Variants in LRRTM4 observed in about 807,000 individuals in gnomAD.
LRRTM4 encodes the protein leucine-rich repeat transmembrane neuronal protein 4.
In LRRTM4, 25 loss-of-function variants were observed where a neutral mutation model predicts 47.6. The ratio of observed to expected loss-of-function variants is 0.53; its 90% CI spans 0.38 to 0.73. LRRTM4 has a LOEUF of 0.73. Ranked by LOEUF, LRRTM4 falls within the 30% of genes least tolerant of loss-of-function variation. LRRTM4 has a pLI of 0.00. For synonymous variants in LRRTM4, 311 were observed against 269.5 expected (o/e 1.15, Z -1.51); for missense variants, 638 against 713.4 (o/e 0.89, Z 1.20).
chr2:77,462,820 T>C (rs34558209), intron 3 of LRRTM4, among the ~76,000 whole-genome samples: 1,967 of 152,090 alleles, frequency 0.013, 16 homozygotes, highest in Non-Finnish European at 0.019. Flanking sequence ...AATGCACATA[T>C]GGCTTTTAAG....
At chr2:76,973,768 T>G (rs1478405149) in intron 3 of LRRTM4, among the ~76,000 whole-genome samples, 1 of 151,936 alleles carries the variant, frequency 6.6e-6, no homozygotes, top group Non-Finnish European at 1.5e-5. Context: ...GAAGTCTGGA[T>G]AGAATAGAAT....
At chr2:77,257,747 C>A (rs1279774146) in intron 3 of LRRTM4, among the ~76,000 whole-genome samples, 1 of 148,822 alleles carries the variant, frequency 6.7e-6, no homozygotes, top group Non-Finnish European at 1.5e-5. Context: ...CACACACACA[C>A]AAATCCAATT....
At chr2:76,957,989 A>T (rs1490475298) in intron 3 of LRRTM4, among the ~76,000 whole-genome samples, 1 of 151,550 alleles carries the variant, frequency 6.6e-6, no homozygotes, top group African/African-American at 2.4e-5. Context: ...TTTTATTGTT[A>T]TTTGTTCCAA....
chr2:77,196,230 G>C (rs1363617341), intron 3 of LRRTM4, among the ~76,000 whole-genome samples: 2 of 152,156 alleles, frequency 1.3e-5, no homozygotes, highest in Non-Finnish European at 2.9e-5. Context: ...GGAATGCAGA[G>C]TGATGTTGCA....
At chr2:76,975,696 A>G (rs1290893697) in intron 3 of LRRTM4, among the ~76,000 whole-genome samples, 1 of 151,734 alleles carries the variant, frequency 6.6e-6, no homozygotes, top group East Asian at 1.9e-4. Flanking sequence ...GAGGAGACAA[A>G]AAATATTTAC....
chr2:76,820,071 T>A (rs1330459721), intron 3 of LRRTM4, among the ~76,000 whole-genome samples: 1 of 151,936 alleles, frequency 6.6e-6, no homozygotes, highest in Admixed American at 6.6e-5. Context: ...TTAAATAAAT[T>A]TAAAAAGGAA....
At chr2:77,223,332 C>A (rs1403413516) in intron 3 of LRRTM4, among the ~76,000 whole-genome samples, 3 of 152,120 alleles carry the variant, frequency 2.0e-5, no homozygotes, top group Non-Finnish European at 4.4e-5. Flanking sequence ...CACTCCTATT[C>A]AACATAGTGT....
chr2:77,119,621 T>G (rs925098069), intron 3 of LRRTM4, among the ~76,000 whole-genome samples: 1 of 151,846 alleles, frequency 6.6e-6, no homozygotes, highest in African/African-American at 2.4e-5. Context: ...TTCTGCCCCT[T>G]GGAGCTTACT....
chr2:77,055,344 C>G (rs372228869), intron 3 of LRRTM4, among the ~76,000 whole-genome samples: 3 of 152,184 alleles, frequency 2.0e-5, no homozygotes. Context: ...TCTGGGCACA[C>G]GTACATCTCT....
At chr2:77,168,950 T>C (rs1672967377) in intron 3 of LRRTM4, among the ~76,000 whole-genome samples, 1 of 152,136 alleles carries the variant, frequency 6.6e-6, no homozygotes, top group African/African-American at 2.4e-5. Context: ...ATATGATATA[T>C]CCTATCAACA....
rs543120444 is a variant in LRRTM4, at chr2:77,056,000, C to T, written c.1552-307084G>A. The stretch of plus-strand genomic sequence containing the variant: ...GTGGGAATTGAACAATGAGAACACA[C>T]GGACACAGGAAGGGGAACATCACAC... On this transcript the variant is annotated intron_variant, in intron 3 of 3. Coordinates refer to ENST00000409884, the MANE Select transcript of LRRTM4 (RefSeq NM_001134745.3). Among the ~76,000 whole-genome samples the T allele has an allele frequency of 1.1e-3, 145 of 133,770 alleles. 2 individuals are homozygous for T. The highest frequency in any genetic ancestry group is 3.4e-3 in the African/African-American group (119 of 34,978). 87.8% of individuals were successfully genotyped at this position (133,770 alleles called of 152,430 possible).
chr2:76,985,059 G>A (rs912191333), intron 3 of LRRTM4, among the ~76,000 whole-genome samples: 2 of 151,894 alleles, frequency 1.3e-5, no homozygotes, highest in African/African-American at 2.4e-5. Flanking sequence ...CTTTGTATGA[G>A]TGGGTCTTTC....
At chr2:77,235,945 C>G (rs908445553) in intron 3 of LRRTM4, among the ~76,000 whole-genome samples, 1 of 152,060 alleles carries the variant, frequency 6.6e-6, no homozygotes, top group Non-Finnish European at 1.5e-5. Flanking sequence ...AGTTTGAAGT[C>G]AGGTAATGTG....
intron 3 of LRRTM4, among the ~76,000 whole-genome samples, chr2:76,974,213 C>T (rs60005903): frequency 0.14 from 18,068 of 126,108 alleles, 1,703 homozygotes; most frequent in East Asian, 0.48. Context: ...TATATATACA[C>T]ATATATATAC....
intron 3 of LRRTM4, among the ~76,000 whole-genome samples, chr2:76,842,458 T>C (rs183205266): frequency 6.6e-6 from 1 of 152,334 alleles, no homozygotes; most frequent in Admixed American, 6.5e-5. Flanking sequence ...CATTGTATAT[T>C]GAAAATACCA....
At chr2:77,332,025 A>ATAT (rs1471258239) in intron 3 of LRRTM4, among the ~76,000 whole-genome samples, 1 of 152,178 alleles carries the variant, frequency 6.6e-6, no homozygotes, top group East Asian at 1.9e-4. Context: ...AAAGTGACAG[A>ATAT]TATTATCATA....
chr2:77,235,476 C>T (rs1675081175), intron 3 of LRRTM4, among the ~76,000 whole-genome samples: 1 of 151,936 alleles, frequency 6.6e-6, no homozygotes, highest in Non-Finnish European at 1.5e-5. Flanking sequence ...GGTGGGGGTA[C>T]TCTGTTGATA....
At chr2:76,998,303 T>G (rs1378322241) in intron 3 of LRRTM4, among the ~76,000 whole-genome samples, 1 of 152,058 alleles carries the variant, frequency 6.6e-6, no homozygotes, top group Non-Finnish European at 1.5e-5. Flanking sequence ...CTACATAAGT[T>G]TAGAGGGTTA....
chr2:77,351,962 A>G (rs970266080), intron 3 of LRRTM4, among the ~76,000 whole-genome samples: 97 of 152,086 alleles, frequency 6.4e-4, no homozygotes, highest in African/African-American at 2.2e-3. Flanking sequence ...TTCATTTTGT[A>G]CAACTTTATT....
Sources: allele counts gnomAD v4.1 joint callset (sites outside exome capture counted in the v4.1 genomes callset), GRCh38; gene constraint gnomAD v4.1.1; transcripts MANE v1.5; gene names NCBI Gene and HGNC (gene_info 2026-07-23, HGNC 2026-07-21).